SUSD4: variants seen among roughly 807,000 people sequenced by gnomAD.
The protein encoded by SUSD4 is sushi domain-containing protein 4.
A neutral mutation model predicts 50.5 loss-of-function variants in SUSD4; 41 were observed. The ratio of observed to expected loss-of-function variants is 0.81; its 90% CI spans 0.63 to 1.05. SUSD4 has a LOEUF of 1.05. Among genes scored for constraint, SUSD4 ranks in the 50% least tolerant of loss-of-function variants. SUSD4 has a pLI of 0.00. For missense variants in SUSD4, 580 were observed against 634.7 expected, an observed-to-expected ratio of 0.91 and a Z score of 0.93; for synonymous variants, 257 against 257.3, an observed-to-expected ratio of 1.00 and a Z score of 0.01.
intron 2 of SUSD4, among the ~76,000 whole-genome samples, chr1:223,360,809 GA>G (rs1445069805): frequency 2.6e-5 from 4 of 151,518 alleles, no homozygotes; most frequent in African/African-American, 7.3e-5. Flanking sequence ...TTTTGTGGAT[GA>G]AAAAAAAGCA....
At chr1:223,351,894 C>T (rs368923843) in intron 2 of SUSD4, among the ~76,000 whole-genome samples, 14 of 151,656 alleles carry the variant, frequency 9.2e-5, no homozygotes, top group Non-Finnish European at 1.8e-4. Flanking sequence ...TTTCCATGGA[C>T]GTTAGCTTAG....
intron 2 of SUSD4, among the ~76,000 whole-genome samples, chr1:223,346,979 C>G (rs539208286): frequency 4.9e-4 from 75 of 152,260 alleles, no homozygotes; most frequent in African/African-American, 1.8e-3. Context: ...GTTGAAATTT[C>G]ACAAATATTT....
chr1:223,334,858 C>G (rs775418055), intron 2 of SUSD4, among the ~76,000 whole-genome samples: 2 of 152,100 alleles, frequency 1.3e-5, no homozygotes, highest in Non-Finnish European at 2.9e-5. Context: ...TACCCTTTCC[C>G]CGAGTCCCCA....
intron 2 of SUSD4, among the ~76,000 whole-genome samples, chr1:223,340,379 C>T (rs527862794): frequency 6.6e-6 from 1 of 152,280 alleles, no homozygotes; most frequent in East Asian, 1.9e-4. Context: ...AAAAAGATGC[C>T]CTGACCCAGT....
intron 5 of SUSD4, among the ~76,000 whole-genome samples, chr1:223,252,236 A>AAATATATATATAT (rs1343732568): frequency 2.2e-5 from 2 of 89,730 alleles, no homozygotes; most frequent in African/African-American, 8.1e-5. Context: ...AAAAAAAAAA[A>AAATATATATATAT]ATATATATAT....
chr1:223,236,546 C>CTT (rs925224105), intron 5 of SUSD4, among the ~76,000 whole-genome samples: 49 of 142,162 alleles, frequency 3.4e-4, no homozygotes, highest in African/African-American at 7.9e-4. Context: ...CTGTGTCTAG[C>CTT]TTTTTTTTTT....
intron 2 of SUSD4, among the ~76,000 whole-genome samples, chr1:223,357,092 TAA>T (rs1020591189): frequency 2.0e-5 from 3 of 152,084 alleles, no homozygotes; most frequent in Non-Finnish European, 4.4e-5. Flanking sequence ...GCAAAGCAGG[TAA>T]GAGTCAAGCA....
At chr1:223,334,351 G>C (rs1667341277) in intron 2 of SUSD4, among the ~76,000 whole-genome samples, 1 of 151,836 alleles carries the variant, frequency 6.6e-6, no homozygotes, top group Non-Finnish European at 1.5e-5. Flanking sequence ...GAAAAGATAA[G>C]AACATTTAAG....
At chr1:223,352,094 T>A (rs1418716347) in intron 2 of SUSD4, among the ~76,000 whole-genome samples, 1 of 152,142 alleles carries the variant, frequency 6.6e-6, no homozygotes, top group Non-Finnish European at 1.5e-5. Context: ...CCACACTACA[T>A]GGAGGAAATT....
intron 2 of SUSD4, among the ~76,000 whole-genome samples, chr1:223,357,980 T>C (rs1458961997): frequency 6.6e-6 from 1 of 152,206 alleles, no homozygotes; most frequent in Non-Finnish European, 1.5e-5. Context: ...GTTATTTCAA[T>C]TGTCAAACAG....
At chr1:223,339,819 C>A (rs1667655592) in intron 2 of SUSD4, among the ~76,000 whole-genome samples, 1 of 152,200 alleles carries the variant, frequency 6.6e-6, no homozygotes, top group Non-Finnish European at 1.5e-5. Context: ...AAGGCTGGGC[C>A]CCGGCTCCCC....
At chr1:223,320,768 G>A (rs1666527430) in intron 2 of SUSD4, among the ~76,000 whole-genome samples, 1 of 152,202 alleles carries the variant, frequency 6.6e-6, no homozygotes. Flanking sequence ...CCTGAGCTCA[G>A]GAAGGGCCGT....
At chr1:223,351,098 C>A (rs557116331) in intron 2 of SUSD4, among the ~76,000 whole-genome samples, 2 of 152,320 alleles carry the variant, frequency 1.3e-5, no homozygotes, top group African/African-American at 2.4e-5. Context: ...GTACTATTAT[C>A]CCCCATCTTA....
At chr1:223,273,327 A>T (rs1458447890) in intron 3 of SUSD4, among the ~76,000 whole-genome samples, 2 of 152,222 alleles carry the variant, frequency 1.3e-5, no homozygotes, top group Non-Finnish European at 2.9e-5. Flanking sequence ...GCATGGGCCA[A>T]GGCATGATCT....
chr1:223,344,720 G>A (rs1189593100), intron 2 of SUSD4, among the ~76,000 whole-genome samples: 1 of 152,096 alleles, frequency 6.6e-6, no homozygotes, highest in African/African-American at 2.4e-5. Flanking sequence ...CATTTAATCG[G>A]GATGGACATT....
chr1:223,255,202 T>C (rs1424704224), intron 5 of SUSD4, among the ~76,000 whole-genome samples: 1 of 152,192 alleles, frequency 6.6e-6, no homozygotes, highest in East Asian at 1.9e-4. Context: ...GATTTTCTCT[T>C]TCCTAGGCCC....
intron 3 of SUSD4, among the ~76,000 whole-genome samples, chr1:223,276,037 A>G (rs911345549): frequency 5.3e-5 from 8 of 152,220 alleles, no homozygotes; most frequent in African/African-American, 9.6e-5. Flanking sequence ...TCAGCCCCCA[A>G]ACTGCTCAAA....
chr1:223,345,105 T>C (rs752799465), intron 2 of SUSD4, among the ~76,000 whole-genome samples: 49 of 152,336 alleles, frequency 3.2e-4, no homozygotes, highest in Non-Finnish European at 6.3e-4. Context: ...TAATTGGACA[T>C]TGTGGTAACA....
intron 2 of SUSD4, chr1:223,359,104 T>G (rs776639976): frequency 2.1e-6 from 1 of 470,670 alleles, no homozygotes; most frequent in African/African-American, 2.0e-5. Flanking sequence ...GGACCAGGGG[T>G]TTGCATGAGT....
Sources: gnomAD v4.1 joint callset for allele counts (sites outside exome capture counted in the v4.1 genomes callset) on GRCh38, gnomAD v4.1.1 for gene constraint, MANE v1.5 for transcripts, NCBI Gene and HGNC (gene_info 2026-07-23, HGNC 2026-07-21) for gene names.